Variants in PRRX1 observed in about 807,000 individuals in gnomAD.
PRRX1 encodes paired mesoderm homeobox protein 1.
Under a neutral mutation model 24.0 loss-of-function variants are expected in PRRX1, and 8 were observed. That is an observed-to-expected ratio of 0.33 (90% CI 0.20 to 0.60). PRRX1 has a LOEUF of 0.60. PRRX1 is among the 20% of genes least tolerant of loss of function. The pLI, the probability that PRRX1 is intolerant of heterozygous loss-of-function variation, is 0.82. For missense variants in PRRX1, 281 were observed against 322.4 expected (o/e 0.87, Z 0.98); for synonymous variants, 160 against 131.7 (o/e 1.22, Z -1.47).
chr1:170,730,494 C>T (rs1056695390), intron 3 of PRRX1: 6 of 670,062 alleles, frequency 9.0e-6, no homozygotes, highest in Non-Finnish European at 5.2e-6. Context: ...ACCAGAGCTG[C>T]AAGAAAGCAT....
At chr1:170,676,071 G>A (rs1653310787) in intron 1 of PRRX1, among the ~76,000 whole-genome samples, 1 of 152,068 alleles carries the variant, frequency 6.6e-6, no homozygotes, top group Non-Finnish European at 1.5e-5. Context: ...AAGATCAGGG[G>A]AAGACCACAG....
intron 3 of PRRX1, among the ~76,000 whole-genome samples, chr1:170,731,618 T>C (rs1333465722): frequency 6.6e-6 from 1 of 151,442 alleles, no homozygotes; most frequent in East Asian, 1.9e-4. Context: ...TGTTTGACAA[T>C]CATTTTAACA....
chr1:170,730,672 C>T (rs775794155), intron 3 of PRRX1: 10 of 279,986 alleles, frequency 3.6e-5, no homozygotes, highest in Non-Finnish European at 6.8e-5. Flanking sequence ...GATGCTGATG[C>T]TGTTGACACT....
intron 1 of PRRX1, among the ~76,000 whole-genome samples, chr1:170,682,934 G>A (rs1017733824): frequency 6.6e-6 from 1 of 152,226 alleles, no homozygotes; most frequent in African/African-American, 2.4e-5. Context: ...CAAGTGCAAA[G>A]GCCCTGAGGC....
chr1:170,725,234 A>G (rs1655219639), intron 2 of PRRX1, among the ~76,000 whole-genome samples: 1 of 152,238 alleles, frequency 6.6e-6, no homozygotes, highest in African/African-American at 2.4e-5. Flanking sequence ...AAACAGAGAC[A>G]GTTTGACTTA....
At chr1:170,676,604 T>C (rs1653328251) in intron 1 of PRRX1, among the ~76,000 whole-genome samples, 1 of 152,166 alleles carries the variant, frequency 6.6e-6, no homozygotes, top group South Asian at 2.1e-4. Flanking sequence ...TTCACAAACT[T>C]TAAGAAAATG....
At chr1:170,715,692 T>C (rs191800605) in intron 1 of PRRX1, among the ~76,000 whole-genome samples, 11 of 152,334 alleles carry the variant, frequency 7.2e-5, no homozygotes, top group Admixed American at 5.9e-4. Context: ...CAAGGACTTA[T>C]GGATATCATT....
intron 3 of PRRX1, among the ~76,000 whole-genome samples, chr1:170,734,969 T>C (rs185735781): frequency 8.9e-4 from 136 of 152,312 alleles, no homozygotes; most frequent in African/African-American, 3.2e-3. Context: ...TCCATTGGAA[T>C]GCAGGCAACA....
intron 1 of PRRX1, among the ~76,000 whole-genome samples, chr1:170,713,224 G>A (rs1262084975): frequency 6.6e-6 from 1 of 152,120 alleles, no homozygotes; most frequent in Non-Finnish European, 1.5e-5. Context: ...GTGCTCTGGA[G>A]TTATAGCCTA....
chr1:170,680,508 T>C (rs1473210776), intron 1 of PRRX1, among the ~76,000 whole-genome samples: 5 of 152,196 alleles, frequency 3.3e-5, no homozygotes, highest in Non-Finnish European at 7.3e-5. Flanking sequence ...TGGAACCCCG[T>C]TGGTGGAATT....
chr1:170,733,013 C>T (rs1020223319), intron 3 of PRRX1, among the ~76,000 whole-genome samples: 6 of 152,076 alleles, frequency 3.9e-5, no homozygotes, highest in African/African-American at 1.4e-4. Context: ...CAGTGAATAT[C>T]CAATCTCCTG....
At chr1:170,669,424 G>GAA (rs1383793581) in intron 1 of PRRX1, 15 of 4,970 alleles carry the variant, frequency 3.0e-3, no homozygotes, top group Non-Finnish European at 3.8e-3. Flanking sequence ...GCTCCCCACT[G>GAA]CAAAAAAAAA....
chr1:170,691,722 C>T (rs985830058), intron 1 of PRRX1, among the ~76,000 whole-genome samples: 4 of 151,598 alleles, frequency 2.6e-5, no homozygotes, highest in East Asian at 1.9e-4. Flanking sequence ...CTCTCCTTCC[C>T]GCTTTCTCTT....
intron 1 of PRRX1, among the ~76,000 whole-genome samples, chr1:170,695,436 C>A (rs1272460201): frequency 1.3e-5 from 2 of 152,154 alleles, no homozygotes; most frequent in African/African-American, 2.4e-5. Context: ...CTTTTTAGAA[C>A]ATATTTGACA....
intron 1 of PRRX1, among the ~76,000 whole-genome samples, chr1:170,696,021 T>C (rs1190946197): frequency 1.3e-5 from 2 of 152,184 alleles, no homozygotes; most frequent in African/African-American, 4.8e-5. Flanking sequence ...CCTTTTAGTT[T>C]TCTCTATCTT....
chr1:170,694,852 T>A (rs1264231718), intron 1 of PRRX1, among the ~76,000 whole-genome samples: 1 of 152,128 alleles, frequency 6.6e-6, no homozygotes, highest in African/African-American at 2.4e-5. Context: ...TATGATAACA[T>A]CTAAGGATTT....
chr1:170,689,501 T>C (rs755962180), intron 1 of PRRX1, among the ~76,000 whole-genome samples: 37 of 152,282 alleles, frequency 2.4e-4, no homozygotes, highest in Non-Finnish European at 4.6e-4. Context: ...ATTGAGAACA[T>C]TCATAAAGAT....
intron 1 of PRRX1, among the ~76,000 whole-genome samples, chr1:170,690,275 C>G (rs1391617583): frequency 1.3e-5 from 2 of 152,012 alleles, no homozygotes; most frequent in Non-Finnish European, 2.9e-5. Context: ...AAATCAGCTG[C>G]ATGTTATGGC....
At chr1:170,671,496 A>G (rs1240398846) in intron 1 of PRRX1, among the ~76,000 whole-genome samples, 1 of 152,266 alleles carries the variant, frequency 6.6e-6, no homozygotes, top group Admixed American at 6.5e-5. Context: ...GAGCCTCGCC[A>G]GACGCTTTCC....
Sources: gnomAD v4.1 joint callset for allele counts (sites outside exome capture counted in the v4.1 genomes callset) on GRCh38, gnomAD v4.1.1 for gene constraint, MANE v1.5 for transcripts, NCBI Gene and HGNC (gene_info 2026-07-23, HGNC 2026-07-21) for gene names.